ME2: variants seen among roughly 807,000 people sequenced by gnomAD.
ME2 encodes the protein malic enzyme 2.
A neutral mutation model predicts 73.7 loss-of-function variants in ME2; 60 were observed. The observed-to-expected ratio is 0.81, with a 90% CI of 0.66 to 1.01. The LOEUF (loss-of-function observed/expected upper bound fraction) is 1.01. ME2 is among the 50% of genes least tolerant of loss of function. The probability of loss-of-function intolerance (pLI) is 0.00; values close to 1 mark genes in which losing one functional copy is unlikely to be tolerated. For synonymous variants in ME2, 199 were observed against 236.9 expected, an observed-to-expected ratio of 0.84 and a Z score of 1.47; for missense variants, 594 against 705.5, an observed-to-expected ratio of 0.84 and a Z score of 1.79.
intron 10 of ME2, among the ~76,000 whole-genome samples, chr18:50,922,205 T>C (rs1189488459): frequency 6.6e-6 from 1 of 152,248 alleles, no homozygotes; most frequent in Admixed American, 6.5e-5. Context: ...AAACTACATG[T>C]AATTTAAAAT....
chr18:50,888,916 AG>A (rs1183974763), intron 1 of ME2, among the ~76,000 whole-genome samples: 2 of 152,170 alleles, frequency 1.3e-5, no homozygotes, highest in African/African-American at 4.8e-5. Context: ...ACATAGTTTC[AG>A]GGTACGTGTG....
intron 1 of ME2, among the ~76,000 whole-genome samples, chr18:50,884,099 C>T (rs150920392): frequency 3.9e-4 from 60 of 152,152 alleles, no homozygotes; most frequent in African/African-American, 7.7e-4. Context: ...GTTCCAATTT[C>T]GGCAAAGATT....
At position 50,895,870 on chromosome 18, in the gene ME2, G is replaced by A. The variant is rs1161271087; in HGVS notation, c.50G>A (p.Arg17Gln). ...TCCACCACTTGTACTTTGGCATGTC[G>A]ACATTTGCACATAAAAGAAAAAGGC... Reference protein sequence around the residue: ...VVSTTCTLACRHLHIKEKGKP... With the variant: ...VVSTTCTLACQHLHIKEKGKP... The change falls in exon 2 of 16, where the codon CGA becomes CAA. Residue 17 changes from arginine (R) to glutamine (Q), a missense_variant. By Grantham distance (43) the Arg-to-Gln change is conservative (BLOSUM62 1). Transcript: ENST00000321341. 1.9e-6 allele frequency: 3 copies of A among 1,613,610 alleles called. No individual in the cohort carries two copies. The highest frequency in any genetic ancestry group is 1.3e-5 in the African/African-American group (1 of 74,960).
In ME2 at chr18:50,930,782, A is replaced by G. The variant is rs558331095; in HGVS notation, c.1315-1476A>G. ...AAAATAATTATGTACTTATTGTGAT[A>G]ACATGTATGACATTAACCATGAACT... On this transcript the variant is annotated intron_variant, in intron 12 of 15. Transcript: ENST00000321341. Among the ~76,000 whole-genome samples the G allele has an allele frequency of 2.6e-5, 4 of 152,376 alleles. No homozygotes were observed. The South Asian group carries it at 8.3e-4, about 32-fold the overall frequency.
At chr18:50,933,430 A>ACTT (rs2144258396) in intron 13 of ME2, 1 of 152,286 alleles carries the variant, frequency 6.6e-6, no homozygotes, top group South Asian at 2.1e-4. Context: ...TAGTCTGTGA[A>ACTT]TATCCTGGTA....
chr18:50,920,441 T>C lies in ME2; in HGVS notation c.735-15T>C. 1 of 1,538,238 alleles carries C rather than the reference T, an allele frequency of 6.5e-7. No individual in the cohort carries two copies. The highest frequency in any genetic ancestry group is 8.9e-7 in the Non-Finnish European group (1 of 1,126,182). On this transcript the variant is annotated splice_polypyrimidine_tract_variant and intron_variant, in intron 7 of 15. Coordinates refer to ENST00000321341, the MANE Select transcript of ME2 (RefSeq NM_002396.5). The stretch of plus-strand genomic sequence containing the variant: ...TTATTTTCAACACAACTATTGTGGG[T>C]TTTGCTGTTTTTAGATATGGCCGGA...
chr18:50,900,633 G>T (rs1916866557), intron 2 of ME2, among the ~76,000 whole-genome samples: 1 of 152,016 alleles, frequency 6.6e-6, no homozygotes. Flanking sequence ...GATATGATTT[G>T]GCTCTGCATC....
At chr18:50,909,710 G>A (rs1377275581) in intron 3 of ME2, among the ~76,000 whole-genome samples, 2 of 152,148 alleles carry the variant, frequency 1.3e-5, no homozygotes, top group Non-Finnish European at 2.9e-5. Context: ...GTTCAGGTAA[G>A]GAGGGAAGGA....
Position 50,939,566 on chromosome 18 carries a change from C to G in ME2, c.1418-4C>G. On this transcript the variant is annotated splice_region_variant and splice_polypyrimidine_tract_variant and intron_variant, in intron 13 of 15. Transcript: ENST00000321341. ...ATACTAGTAAACTTTAAAATGTGTT[C>G]TAGGTGTGGCTTTAGCTGTTATTCT... 6.2e-7 allele frequency: 1 copy of G among 1,604,026 alleles called. No homozygotes were observed. Among genetic ancestry groups the G allele is most frequent in the Non-Finnish European group, 8.5e-7 (1 of 1,171,302 alleles).
At chr18:50,931,957 G>A (rs1178884977) in intron 12 of ME2, among the ~76,000 whole-genome samples, 3 of 152,070 alleles carry the variant, frequency 2.0e-5, no homozygotes, top group Admixed American at 6.6e-5. Flanking sequence ...TGCTGGGACT[G>A]CAGGTGTAAG....
At chr18:50,907,393 T>C (rs2144216115) in intron 2 of ME2, among the ~76,000 whole-genome samples, 1 of 152,354 alleles carries the variant, frequency 6.6e-6, no homozygotes, top group Non-Finnish European at 1.5e-5. Context: ...TTGGTAAATT[T>C]CCAGAATGTT....
chr18:50,929,566 G>A (rs1196883327), intron 12 of ME2, among the ~76,000 whole-genome samples: 1 of 149,836 alleles, frequency 6.7e-6, no homozygotes, highest in Non-Finnish European at 1.5e-5. Flanking sequence ...TGACCTTTTT[G>A]ACCACTCCAT....
At chr18:50,898,873 A>G (rs1470675379) in intron 2 of ME2, among the ~76,000 whole-genome samples, 1 of 152,182 alleles carries the variant, frequency 6.6e-6, no homozygotes, top group Non-Finnish European at 1.5e-5. Flanking sequence ...AGTTTTCTTC[A>G]TGTAAATAAT....
At chr18:50,882,808 G>T (rs1442776001) in intron 1 of ME2, among the ~76,000 whole-genome samples, 1 of 152,074 alleles carries the variant, frequency 6.6e-6, no homozygotes, top group East Asian at 1.9e-4. Context: ...AATTTGCTGG[G>T]CATGGTAGCA....
Position 50,909,921 on chromosome 18 carries a change from C to T in ME2, c.242+1725C>T, listed in dbSNP as rs921518056. 2.6e-5 allele frequency among the ~76,000 whole-genome samples: 4 copies of T among 152,206 alleles called. No homozygotes were observed. In the South Asian group the frequency reaches 8.3e-4, roughly 32 times the overall value. On this transcript the variant is annotated intron_variant, in intron 3 of 15. Coordinates refer to ENST00000321341, the MANE Select transcript of ME2 (RefSeq NM_002396.5). ...TCTTGAGCAAGAACAAAGAACAGCT[C>T]ATTCTCCGAAGCTGGAATAAACATA...
intron 1 of ME2, among the ~76,000 whole-genome samples, chr18:50,892,116 C>T (rs192674220): frequency 1.7e-4 from 26 of 152,080 alleles, no homozygotes; most frequent in Admixed American, 9.8e-4. Flanking sequence ...CCACTGCACC[C>T]GGCCTGGACT....
At chr18:50,930,446 T>TA (rs534020000) in intron 12 of ME2, among the ~76,000 whole-genome samples, 50 of 151,504 alleles carry the variant, frequency 3.3e-4, no homozygotes, top group South Asian at 1.7e-3. Flanking sequence ...AAAAATACTC[T>TA]AAAAAAAAAT....
chr18:50,941,852 TA>T (rs1917970926), intron 15 of ME2, among the ~76,000 whole-genome samples: 1 of 152,042 alleles, frequency 6.6e-6, no homozygotes, highest in Non-Finnish European at 1.5e-5. Flanking sequence ...TACTTAGAAT[TA>T]TTTTTTTAAT....
At chr18:50,906,897 C>G (rs1917031985) in intron 2 of ME2, among the ~76,000 whole-genome samples, 1 of 152,142 alleles carries the variant, frequency 6.6e-6, no homozygotes, top group Non-Finnish European at 1.5e-5. Flanking sequence ...TGGATGTGTC[C>G]ACAGCTCATG....
Sources: allele counts gnomAD v4.1 joint callset (sites outside exome capture counted in the v4.1 genomes callset), GRCh38; gene constraint gnomAD v4.1.1; transcripts MANE v1.5; gene names NCBI Gene and HGNC (gene_info 2026-07-23, HGNC 2026-07-21).